The following ABTB3 variants were observed in gnomAD, a reference collection of about 807,000 sequenced individuals.
ABTB3 encodes ankyrin repeat and BTB domain containing 3.
chr12:107,519,530 C>T, the ABTB3 span, among the ~76,000 whole-genome samples: 1 of 152,084 alleles, frequency 6.6e-6, no homozygotes, highest in Non-Finnish European at 1.5e-5. Flanking sequence ...GTTGGCCAGG[C>T]TGGTCTCGAA....
At chr12:107,596,493 A>G in the ABTB3 span, among the ~76,000 whole-genome samples, 1 of 152,270 alleles carries the variant, frequency 6.6e-6, no homozygotes, top group East Asian at 1.9e-4. Context: ...GATGACTGTA[A>G]TCCCAGCTGT....
chr12:107,506,169 A>G, the ABTB3 span, among the ~76,000 whole-genome samples: 1 of 152,196 alleles, frequency 6.6e-6, no homozygotes, highest in African/African-American at 2.4e-5. Flanking sequence ...TGCATTCTGC[A>G]ACCCAAAGTT....
the ABTB3 span, chr12:107,657,655 G>C: frequency 6.2e-7 from 1 of 1,614,092 alleles, no homozygotes; most frequent in Non-Finnish European, 8.5e-7. Flanking sequence ...AGGACTTACA[G>C]AGGACGTTGG....
chr12:107,507,486 G>C, the ABTB3 span, among the ~76,000 whole-genome samples: 1 of 152,048 alleles, frequency 6.6e-6, no homozygotes, highest in East Asian at 1.9e-4. Flanking sequence ...TGGTTATTCT[G>C]GCCAGAACAC....
At chr12:107,393,054 A>T in the ABTB3 span, among the ~76,000 whole-genome samples, 8 of 151,972 alleles carry the variant, frequency 5.3e-5, no homozygotes, top group Non-Finnish European at 1.2e-4. Context: ...TGCAGGCCAC[A>T]CCTGGTGCAG....
the ABTB3 span, among the ~76,000 whole-genome samples, chr12:107,578,384 T>C: frequency 1.8e-5 from 1 of 56,252 alleles, no homozygotes; most frequent in East Asian, 5.1e-4. Flanking sequence ...TTTCTTCTTC[T>C]TTTTTTTTTT....
chr12:107,447,770 T>C, the ABTB3 span, among the ~76,000 whole-genome samples: 2 of 152,168 alleles, frequency 1.3e-5, no homozygotes, highest in African/African-American at 4.8e-5. Flanking sequence ...CCTGCTTTGC[T>C]AAGAGAGAAA....
At chr12:107,433,529 G>A in the ABTB3 span, among the ~76,000 whole-genome samples, 1 of 152,232 alleles carries the variant, frequency 6.6e-6, no homozygotes, top group Admixed American at 6.5e-5. Flanking sequence ...CAGCCCCCAT[G>A]GGAAGGGAAG....
At chr12:107,401,906 C>G in the ABTB3 span, among the ~76,000 whole-genome samples, 1 of 147,174 alleles carries the variant, frequency 6.8e-6, no homozygotes, top group South Asian at 2.2e-4. Flanking sequence ...AGGTAACAAC[C>G]GCTTAGGGTT....
the ABTB3 span, among the ~76,000 whole-genome samples, chr12:107,597,717 C>T: frequency 2.2e-3 from 340 of 152,280 alleles, 1 homozygote; most frequent in Non-Finnish European, 4.2e-3. Flanking sequence ...AGTGGCTTGA[C>T]GAAGAGAGAT....
chr12:107,397,049 C>T, the ABTB3 span, among the ~76,000 whole-genome samples: 2 of 152,230 alleles, frequency 1.3e-5, no homozygotes, highest in Non-Finnish European at 2.9e-5. Flanking sequence ...GCGCTTGTAT[C>T]AACCCCCAAC....
At chr12:107,510,773 T>C in the ABTB3 span, among the ~76,000 whole-genome samples, 5 of 151,950 alleles carry the variant, frequency 3.3e-5, no homozygotes, top group African/African-American at 1.2e-4. Flanking sequence ...AATACAAAAA[T>C]TAGCTGGATG....
the ABTB3 span, among the ~76,000 whole-genome samples, chr12:107,472,430 T>C: frequency 6.6e-6 from 1 of 151,894 alleles, no homozygotes; most frequent in Non-Finnish European, 1.5e-5. Flanking sequence ...AGGGAGAGGG[T>C]CAAAAACATG....
At chr12:107,321,275 G>A in the ABTB3 span, among the ~76,000 whole-genome samples, 30 of 152,176 alleles carry the variant, frequency 2.0e-4, no homozygotes, top group African/African-American at 7.2e-4. Context: ...GGTGCCAAGG[G>A]TGTGCATGTG....
chr12:107,551,877 C>T, the ABTB3 span, among the ~76,000 whole-genome samples: 2 of 152,026 alleles, frequency 1.3e-5, no homozygotes, highest in Admixed American at 6.5e-5. Flanking sequence ...CTCAGCCTCC[C>T]GAGTAGCTGG....
the ABTB3 span, among the ~76,000 whole-genome samples, chr12:107,451,704 C>T: frequency 2.6e-5 from 4 of 151,760 alleles, no homozygotes; most frequent in Non-Finnish European, 4.4e-5. Context: ...GAACAGGCAG[C>T]TGAACTCACA....
At chr12:107,492,056 G>A in the ABTB3 span, among the ~76,000 whole-genome samples, 3 of 151,996 alleles carry the variant, frequency 2.0e-5, no homozygotes, top group Middle Eastern at 3.2e-3. Context: ...TGTGGAGATC[G>A]TGTTGATTGG....
At chr12:107,334,592 C>G in the ABTB3 span, among the ~76,000 whole-genome samples, 3 of 152,136 alleles carry the variant, frequency 2.0e-5, no homozygotes, top group South Asian at 6.2e-4. Context: ...GACATGTTAA[C>G]TAGGCCATTG....
At chr12:107,474,839 C>T in the ABTB3 span, among the ~76,000 whole-genome samples, 1 of 152,290 alleles carries the variant, frequency 6.6e-6, no homozygotes, top group African/African-American at 2.4e-5. Context: ...GAGTCATATT[C>T]TCCAGGTTGG....
Sources: allele counts gnomAD v4.1 joint callset (sites outside exome capture counted in the v4.1 genomes callset), GRCh38; gene constraint gnomAD v4.1.1; transcripts MANE v1.5; gene names NCBI Gene and HGNC (gene_info 2026-07-23, HGNC 2026-07-21).